Variants in ZNF653 observed in about 807,000 individuals in gnomAD.
ZNF653 encodes the protein 67 kDa zinc finger protein.
A neutral mutation model predicts 59.9 loss-of-function variants in ZNF653; 37 were observed. The ratio of observed to expected loss-of-function variants is 0.62; its 90% CI spans 0.48 to 0.81. The LOEUF (loss-of-function observed/expected upper bound fraction) is 0.81. ZNF653 is among the 40% of genes least tolerant of loss of function. The probability of loss-of-function intolerance (pLI) is 0.00; values close to 1 mark genes in which losing one functional copy is unlikely to be tolerated. For synonymous variants in ZNF653, 435 were observed against 371.8 expected (o/e 1.17, Z -1.96); for missense variants, 808 against 881.1 (o/e 0.92, Z 1.05).
intron 7 of ZNF653, among the ~76,000 whole-genome samples, chr19:11,484,511 G>A (rs1971444724): frequency 6.6e-6 from 1 of 152,148 alleles, no homozygotes; most frequent in South Asian, 2.1e-4. Flanking sequence ...GGGTTCAAGC[G>A]ATTCTTCTGC....
At position 11,500,023 on chromosome 19, in the gene ZNF653, A is replaced by G. The variant is rs1971627699; in HGVS notation, c.300-1684T>C. ...TACAATGATCGTTATGATTATCAGTATCATCGTGGAGCCTGGGCCCCCTGG... is the reference window on the plus strand; with the variant it reads ...TACAATGATCGTTATGATTATCAGTGTCATCGTGGAGCCTGGGCCCCCTGG... On this transcript the variant is annotated intron_variant, in intron 1 of 8. Transcript: ENST00000293771. Among the ~76,000 whole-genome samples the G allele has an allele frequency of 2.0e-5, 3 of 152,190 alleles. No homozygotes were observed. The South Asian group carries it at 6.2e-4, about 31-fold the overall frequency.
Position 11,495,921 on chromosome 19 carries a change from C to A in ZNF653, c.559+29G>T. The A allele has an allele frequency of 6.2e-7, 1 of 1,602,042 alleles. No individual in the cohort carries two copies. Among genetic ancestry groups the A allele is most frequent in the Non-Finnish European group, 8.5e-7 (1 of 1,173,534 alleles). The stretch of plus-strand genomic sequence containing the variant: ...AAGAAGCCCCCAGAAATGGGCGGCC[C>A]CCTATGTGCCCTCGCCCTGCAGACC... On this transcript the variant is annotated intron_variant, in intron 3 of 8. Transcript: ENST00000293771. The surrounding 1 kb of genome is among the most constrained non-coding windows in gnomAD (Gnocchi z 4.9).
At chr19:11,493,419 G>T (rs374475865) in intron 3 of ZNF653, among the ~76,000 whole-genome samples, 1 of 152,172 alleles carries the variant, frequency 6.6e-6, no homozygotes, top group Non-Finnish European at 1.5e-5. Context: ...GAGATTAAAA[G>T]TATGTACCCT....
intron 7 of ZNF653, 103 bp downstream of exon 7, chr19:11,485,553 C>G (rs1159699827): frequency 9.3e-6 from 8 of 860,350 alleles, no homozygotes; most frequent in Non-Finnish European, 1.5e-5. Context: ...GTCCTGTGCC[C>G]GGAGACCCAG....
chr19:11,497,282 C>A (rs1322342397), intron 2 of ZNF653, among the ~76,000 whole-genome samples: 1 of 152,208 alleles, frequency 6.6e-6, no homozygotes, highest in East Asian at 1.9e-4. Flanking sequence ...TCCTCCTGTA[C>A]CCCCAGTGCC....
chr19:11,498,446 T>C, intron 1 of ZNF653, 107 bp from the exon 2 acceptor site: 4 of 1,472,668 alleles, frequency 2.7e-6, no homozygotes, highest in Non-Finnish European at 3.8e-6. Context: ...ACACTGAAAC[T>C]AAATCTGAAC....
rs753343876 is a variant in ZNF653, at chr19:11,483,592, G to T, written c.*90C>A. 1 of 1,490,170 alleles carries T rather than the reference G, an allele frequency of 6.7e-7. No homozygotes were observed. The highest frequency in any genetic ancestry group is 2.4e-5 in the East Asian group (1 of 41,046). 92.3% of individuals were successfully genotyped at this position (1,490,170 alleles called of 1,614,324 possible). Reference sequence around the variant, plus strand: ...GGCGCCTCCTTCCGGCCCGCGGTCCGGGCGGCCCTCGCAGCTGTCCAGGCC... The same window carrying T: ...GGCGCCTCCTTCCGGCCCGCGGTCCTGGCGGCCCTCGCAGCTGTCCAGGCC... On this transcript the variant is annotated 3_prime_UTR_variant, in exon 9 of 9. Coordinates refer to ENST00000293771, the MANE Select transcript of ZNF653 (RefSeq NM_138783.4).
At position 11,487,152 on chromosome 19, in the gene ZNF653, T is replaced by A; in HGVS notation, c.1178A>T (p.Glu393Val). ...CTCCTTCTTTAGCAAGCACAGGTCC[T>A]CCTTCTCTACAGGGTGGACACAGGG... is the stretch of plus-strand genomic sequence containing the variant. Reference protein sequence around the residue: ...VAGIETKKEKEDLCLLKKEEK... With the variant: ...VAGIETKKEKVDLCLLKKEEK... Residue 393 changes from glutamate (E) to valine (V), a missense_variant, in exon 5 of 9, where the codon GAG becomes GTG. Glu to Val is a moderately radical substitution (Grantham distance 121). Coordinates refer to ENST00000293771, the MANE Select transcript of ZNF653 (RefSeq NM_138783.4). The surrounding 1 kb of genome is among the most constrained non-coding windows in gnomAD (Gnocchi z 5.1). 1 of 1,611,086 alleles carries A rather than the reference T, an allele frequency of 6.2e-7. No individual in the cohort carries two copies. Among genetic ancestry groups the A allele is most frequent in the Non-Finnish European group, 8.5e-7 (1 of 1,179,896 alleles).
chr19:11,488,731 G>A (rs1971498664), intron 3 of ZNF653, among the ~76,000 whole-genome samples: 1 of 151,540 alleles, frequency 6.6e-6, no homozygotes, highest in African/African-American at 2.4e-5. Flanking sequence ...CCGAGTAGCT[G>A]GGACTACAGG....
chr19:11,485,468 T>G (rs945115241), intron 7 of ZNF653, among the ~76,000 whole-genome samples, 188 bp downstream of exon 7: 19 of 152,068 alleles, frequency 1.2e-4, no homozygotes, highest in Middle Eastern at 3.4e-3. Context: ...TGTGATTGAT[T>G]GGTAATAGTT....
rs1434576993 is a variant in ZNF653, at chr19:11,487,845, G to A, written c.618C>T (p.Asp206=). 6.2e-7 allele frequency: 1 copy of A among 1,610,656 alleles called. No individual in the cohort carries two copies. Among genetic ancestry groups the A allele is most frequent in the Non-Finnish European group, 8.5e-7 (1 of 1,178,372 alleles). The change falls in exon 4 of 9, where the codon GAC becomes GAT. Residue 206 remains aspartate, a synonymous_variant. Coordinates refer to ENST00000293771, the MANE Select transcript of ZNF653 (RefSeq NM_138783.4). This position sits in a 1 kb window ranked among gnomAD's most constrained non-coding sequence, Gnocchi z 5.1. ...SDSSSSGSAS[D]SEESPEGQPV... is the part of the protein sequence containing the mutation. ...GCTGGCCCTCAGGAGACTCCTCAGA[G>A]TCAGAGGCAGAGCCAGAGCTGGATG...
In ZNF653 at chr19:11,496,041, G is replaced by C. The variant is rs200215951; in HGVS notation, c.468C>G (p.Ala156=). The stretch of plus-strand genomic sequence containing the variant: ...GGTGGCCAGCTTCGCACTGCCACAC[G>C]GCCGTGGTGTACAGGCCAAAAGTGG... The part of the protein sequence containing the change: ...LDPTFGLYTT[A]VWQCEAGHRY... Residue 156 remains alanine (A), a synonymous_variant, in exon 3 of 9, where the codon GCC becomes GCG. Transcript: ENST00000293771. 1.2e-6 allele frequency: 2 copies of C among 1,614,052 alleles called. No individual in the cohort carries two copies. Among genetic ancestry groups the C allele is most frequent in the Non-Finnish European group, 1.7e-6 (2 of 1,180,024 alleles).
At chr19:11,501,427 C>T (rs941705704) in intron 1 of ZNF653, among the ~76,000 whole-genome samples, 4 of 151,930 alleles carry the variant, frequency 2.6e-5, no homozygotes, top group African/African-American at 4.8e-5. Context: ...GATCCTTCTG[C>T]TTCAGCCTCC....
chr19:11,487,877 A>G lies in ZNF653; in HGVS notation c.586T>C (p.Ser196Pro), dbSNP rs1971487399. Reference protein sequence around the residue: ...KVGNGLVAGSSDSSSSGSASD... With the variant: ...KVGNGLVAGSPDSSSSGSASD... ...GCAGAGCCAGAGCTGGATGAGTCAG[A>G]GCTGCCAGCCACCAGCCCATTGCCC... Residue 196 changes from serine to proline, a missense_variant, in exon 4 of 9, where the codon TCT becomes CCT. Transcript: ENST00000293771. The surrounding 1 kb of genome is among the most constrained non-coding windows in gnomAD (Gnocchi z 5.1). 3.1e-6 allele frequency: 5 copies of G among 1,598,220 alleles called. No homozygotes were observed. Among genetic ancestry groups the G allele is most frequent in the Non-Finnish European group, 4.3e-6 (5 of 1,169,996 alleles).
intron 1 of ZNF653, chr19:11,504,458 G>C: frequency 5.6e-6 from 5 of 893,256 alleles, no homozygotes; most frequent in Non-Finnish European, 6.7e-6. Flanking sequence ...CTTTGAACAA[G>C]CCATCCCCTC....
chr19:11,498,433 T>C, intron 1 of ZNF653, 94 bp from the exon 2 acceptor site: 3 of 1,525,174 alleles, frequency 2.0e-6, no homozygotes, highest in East Asian at 2.3e-5. Flanking sequence ...CACTGCTCAT[T>C]GTACACTGAA....
chr19:11,505,512 C>T lies in ZNF653; in HGVS notation c.275G>A (p.Arg92His). ...CCCGTGGCGGCCGCTCCGCTGGCCG[C>T]GCTCCAGAGAGATGAGGTAGGCGGC... ...KLAAYLISLE[R>H]GQRSGRHGKP... Residue 92 changes from arginine (R) to histidine (H), a missense_variant, in exon 1 of 9, where the codon CGC becomes CAC. Coordinates refer to ENST00000293771, the MANE Select transcript of ZNF653 (RefSeq NM_138783.4). 2 of 1,501,244 alleles carry T rather than the reference C, an allele frequency of 1.3e-6. No individual in the cohort carries two copies. Among genetic ancestry groups the T allele is most frequent in the Non-Finnish European group, 1.8e-6 (2 of 1,137,868 alleles). The allele number at this position is 1,501,244 out of a possible 1,614,324, so 93.0% of individuals were successfully genotyped here.
Position 11,487,094 on chromosome 19 carries a change from T to G in ZNF653, c.1236A>C (p.Ala412=), listed in dbSNP as rs1330471364. ...EKEEPVAPEL[A]TTVPESAEPE... ...GCTCTGCGCTCTCAGGCACCGTTGTTGCCAGCTCCGGGGCTACTGGCTCCT... is the reference window on the plus strand; with the variant it reads ...GCTCTGCGCTCTCAGGCACCGTTGTGGCCAGCTCCGGGGCTACTGGCTCCT... The change falls in exon 5 of 9, where the codon GCA becomes GCC. Residue 412 remains alanine, a synonymous_variant. Coordinates refer to ENST00000293771, the MANE Select transcript of ZNF653 (RefSeq NM_138783.4). The surrounding 1 kb of genome is among the most constrained non-coding windows in gnomAD (Gnocchi z 5.1). The G allele has an allele frequency of 2.5e-6, 4 of 1,613,940 alleles. 1 individual carries two copies. In the South Asian group the frequency reaches 4.4e-5, roughly 18 times the overall value.
chr19:11,487,289 G>C lies in ZNF653; in HGVS notation c.1171+3C>G. 1 of 1,609,932 alleles carries C rather than the reference G, an allele frequency of 6.2e-7. No homozygotes were observed. On this transcript the variant is annotated splice_donor_region_variant and intron_variant, in intron 4 of 8. Coordinates refer to ENST00000293771, the MANE Select transcript of ZNF653 (RefSeq NM_138783.4). The surrounding 1 kb of genome is among the most constrained non-coding windows in gnomAD (Gnocchi z 5.1). ...GCCAGAGGCCACGACAGGTCCCCCA[G>C]ACCTTTCTTGGTCTCGATGCCTGCT...
Sources: gnomAD v4.1 joint callset for allele counts (sites outside exome capture counted in the v4.1 genomes callset) on GRCh38, gnomAD v4.1.1 for gene constraint, Gnocchi (gnomAD v3.1) non-coding constraint, MANE v1.5 for transcripts, NCBI Gene and HGNC (gene_info 2026-07-23, HGNC 2026-07-21) for gene names.